Variants in ADGRL2 observed in about 807,000 individuals in gnomAD.
The protein encoded by ADGRL2 is calcium-independent alpha-latrotoxin receptor 2.
Under a neutral mutation model 157.4 loss-of-function variants are expected in ADGRL2, and 44 were observed. The ratio of observed to expected loss-of-function variants is 0.28; its 90% confidence interval spans 0.22 to 0.36. ADGRL2 has a LOEUF of 0.36. ADGRL2 is among the 10% of genes least tolerant of loss of function. The pLI is 1.00. For missense variants in ADGRL2, 1,510 were observed against 1,768.9 expected, an observed-to-expected ratio of 0.85 and a Z score of 2.63; for synonymous variants, 585 against 624.7, an observed-to-expected ratio of 0.94 and a Z score of 0.95.
intron 2 of ADGRL2, among the ~76,000 whole-genome samples, chr1:81,456,946 T>C (rs74094007): frequency 0.019 from 2,860 of 152,212 alleles, 83 homozygotes; most frequent in African/African-American, 0.066. Flanking sequence ...TCTCCCTTCC[T>C]CTCTTCTTCT....
At chr1:81,444,043 C>T (rs2077556014) in intron 1 of ADGRL2, among the ~76,000 whole-genome samples, 1 of 152,176 alleles carries the variant, frequency 6.6e-6, no homozygotes, top group African/African-American at 2.4e-5. Flanking sequence ...CGGAGACCCA[C>T]TTGTAGCCAG....
At chr1:81,588,315 A>T (rs1216203163) in intron 3 of ADGRL2, 1 of 152,294 alleles carries the variant, frequency 6.6e-6, no homozygotes, top group Non-Finnish European at 1.5e-5. Flanking sequence ...CTGGGGAACA[A>T]GAAGGATGCC....
In ADGRL2 at chr1:81,890,908, G is replaced by T. The variant is rs1284489691; in HGVS notation, c.74-16109G>T. Among the ~76,000 whole-genome samples, 6 of 152,170 alleles carry T rather than the reference G, an allele frequency of 3.9e-5. No individual in the cohort carries two copies. In the East Asian group the frequency reaches 1.2e-3, roughly 29 times the overall value. ...GACAGAATTTCTGTTATTCTCCTGGGCCGAGTGCCTTTTTGTTCATCTACT... is the reference window on the plus strand; with the variant it reads ...GACAGAATTTCTGTTATTCTCCTGGTCCGAGTGCCTTTTTGTTCATCTACT... On this transcript the variant is annotated intron_variant, in intron 2 of 23. Transcript: ENST00000686636.
At chr1:81,728,822 C>G (rs1172844992) in intron 1 of ADGRL2, among the ~76,000 whole-genome samples, 1 of 152,132 alleles carries the variant, frequency 6.6e-6, no homozygotes, top group Non-Finnish European at 1.5e-5. Context: ...GATCCCTTTC[C>G]TATTCAAGCA....
At chr1:81,747,022 A>ATG (rs1557615800) in intron 1 of ADGRL2, among the ~76,000 whole-genome samples, 1 of 144,884 alleles carries the variant, frequency 6.9e-6, no homozygotes, top group African/African-American at 2.5e-5. Context: ...GTATGTATAC[A>ATG]CGTGTATATA....
chr1:81,599,912 T>A (rs2081304651), intron 3 of ADGRL2, among the ~76,000 whole-genome samples: 1 of 152,238 alleles, frequency 6.6e-6, no homozygotes, highest in Non-Finnish European at 1.5e-5. Flanking sequence ...AATACAGGCA[T>A]GTTTGTTTAC....
intron 1 of ADGRL2, among the ~76,000 whole-genome samples, chr1:81,319,240 C>T (rs375076714): frequency 6.6e-6 from 1 of 151,958 alleles, no homozygotes; most frequent in South Asian, 2.1e-4. Flanking sequence ...AGCCACCGCG[C>T]CCAGCTTTAT....
chr1:81,576,729 A>C (rs557795520), intron 2 of ADGRL2, among the ~76,000 whole-genome samples: 3 of 152,352 alleles, frequency 2.0e-5, no homozygotes, highest in Admixed American at 2.0e-4. Flanking sequence ...TAAAAATTTC[A>C]GTAAAGCAAT....
intron 1 of ADGRL2, among the ~76,000 whole-genome samples, chr1:81,437,906 G>T (rs115993802): frequency 2.0e-5 from 3 of 152,050 alleles, no homozygotes; most frequent in Non-Finnish European, 4.4e-5. Context: ...ACTTGCAGTC[G>T]TGACTGTCTG....
chr1:81,651,887 A>AT lies in ADGRL2; in HGVS notation c.-143+70917dup, dbSNP rs559198772. 5.1e-3 allele frequency among the ~76,000 whole-genome samples: 760 copies of AT among 150,130 alleles called. 3 individuals are homozygous for AT. The highest frequency in any genetic ancestry group is 8.8e-3 in the Non-Finnish European group (590 of 67,380). ...AGGCACACGCCACTGCACCCAACTA[A>AT]TTTTTTTTTTATTTTTTGTAGAGAC... is the stretch of plus-strand genomic sequence containing the variant. On this transcript the variant is annotated intron_variant, in intron 3 of 24. Transcript: ENST00000370721.
chr1:81,357,009 A>G (rs181145098), intron 1 of ADGRL2, among the ~76,000 whole-genome samples: 19 of 151,120 alleles, frequency 1.3e-4, no homozygotes, highest in Non-Finnish European at 1.5e-5. Flanking sequence ...TAAGAATCAC[A>G]CATTTCCCTT....
intron 1 of ADGRL2, among the ~76,000 whole-genome samples, chr1:81,709,156 T>A (rs2149068667): frequency 6.6e-6 from 1 of 152,242 alleles, no homozygotes; most frequent in East Asian, 1.9e-4. Flanking sequence ...ATTGAACAAG[T>A]TATCCTTATT....
At chr1:81,429,894 T>C (rs1211013340) in intron 1 of ADGRL2, among the ~76,000 whole-genome samples, 1 of 152,022 alleles carries the variant, frequency 6.6e-6, no homozygotes. Context: ...TGTTTTGTTG[T>C]TGTTGTTGTT....
chr1:81,586,228 C>T (rs182485436), intron 3 of ADGRL2: 1 of 151,870 alleles, frequency 6.6e-6, no homozygotes, highest in African/African-American at 2.4e-5. Context: ...GTCCAAAGCA[C>T]AGGAAGAAGT....
At position 81,714,767 on chromosome 1, in the gene ADGRL2, T is replaced by C. The variant is rs1240363712; in HGVS notation, c.-143+14959T>C. Among the ~76,000 whole-genome samples, 8 of 152,292 alleles carry C rather than the reference T, an allele frequency of 5.3e-5. No homozygotes were observed. The South Asian group carries it at 1.5e-3, about 28-fold the overall frequency. On this transcript the variant is annotated intron_variant, in intron 1 of 20. Coordinates refer to the ADGRL2 transcript ENST00000359929. The stretch of plus-strand genomic sequence containing the variant: ...ATAGCTCCTATTTCAGAAATAATCC[T>C]GTAACAATAACTTGAGACAGTTTTA...
chr1:81,831,522 A>G (rs991104648), intron 1 of ADGRL2, among the ~76,000 whole-genome samples: 1 of 152,120 alleles, frequency 6.6e-6, no homozygotes, highest in African/African-American at 2.4e-5. Context: ...ATAATTAGTA[A>G]CAGTAGTGAT....
chr1:81,879,383 G>T (rs1303918627), intron 2 of ADGRL2, among the ~76,000 whole-genome samples: 1 of 152,100 alleles, frequency 6.6e-6, no homozygotes, highest in Non-Finnish European at 1.5e-5. Flanking sequence ...CTGAATTGCT[G>T]TGTATCTTTG....
intron 2 of ADGRL2, among the ~76,000 whole-genome samples, chr1:81,890,900 T>C (rs2151421598): frequency 6.6e-6 from 1 of 152,250 alleles, no homozygotes; most frequent in Non-Finnish European, 1.5e-5. Context: ...TTTCTGTTAT[T>C]CTCCTGGGCC....
chr1:81,972,526 T>C (rs1412108641), intron 17 of ADGRL2, among the ~76,000 whole-genome samples: 2 of 152,206 alleles, frequency 1.3e-5, no homozygotes, highest in African/African-American at 2.4e-5. Flanking sequence ...CATTAAGATA[T>C]TTTTAAACAT....
Sources: gnomAD v4.1 joint callset for allele counts (sites outside exome capture counted in the v4.1 genomes callset) on GRCh38, gnomAD v4.1.1 for gene constraint, MANE v1.5 for transcripts, NCBI Gene and HGNC (gene_info 2026-07-23, HGNC 2026-07-21) for gene names.